Variants in NUDT3 observed in about 807,000 individuals in gnomAD.
NUDT3 encodes diphosphoinositol polyphosphate phosphohydrolase 1.
Under a neutral mutation model 23.6 loss-of-function variants are expected in NUDT3, and 9 were observed. The ratio of observed to expected loss-of-function variants is 0.38; its 90% CI spans 0.23 to 0.66. NUDT3 has a LOEUF of 0.66. NUDT3 is among the 30% of genes least tolerant of loss of function. NUDT3 has a pLI of 0.52. For synonymous variants in NUDT3, 86 were observed against 82.6 expected, an observed-to-expected ratio of 1.04 and a Z score of -0.22; for missense variants, 172 against 218.5, an observed-to-expected ratio of 0.79 and a Z score of 1.34.
intron 4 of NUDT3, among the ~76,000 whole-genome samples, chr6:34,292,892 T>C (rs1273042338): frequency 2.6e-5 from 4 of 152,220 alleles, no homozygotes; most frequent in Non-Finnish European, 4.4e-5. Flanking sequence ...AGTTTGATTT[T>C]AGAAGCAACA....
Position 34,324,080 on chromosome 6 carries a change from C to T in NUDT3, c.210+17782G>A, listed in dbSNP as rs182784959. Reference sequence around the variant, plus strand: ...TTAAAAGCCTTCAGAATGGGCTGGGCGTGGTGGTTCATGCCTGTAATCCCA... The same window carrying T: ...TTAAAAGCCTTCAGAATGGGCTGGGTGTGGTGGTTCATGCCTGTAATCCCA... On this transcript the variant is annotated intron_variant, in intron 2 of 4. Coordinates refer to ENST00000607016, the MANE Select transcript of NUDT3 (RefSeq NM_006703.4). 1.5e-3 allele frequency among the ~76,000 whole-genome samples: 226 copies of T among 152,114 alleles called. 2 individuals carry two copies. The highest frequency in any genetic ancestry group is 0.011 in the East Asian group (56 of 5,170).
Position 34,329,834 on chromosome 6 carries a change from G to GTA in NUDT3, c.210+12027_210+12028insTA, listed in dbSNP as rs531393352. The stretch of plus-strand genomic sequence containing the variant: ...CCCATGGCAGGCCCTGGTGTGTGAT[G>GTA]TTCCGCACCCTGTGTCCAAGTGTTC... On this transcript the variant is annotated intron_variant, in intron 2 of 4. Transcript: ENST00000607016. Among the ~76,000 whole-genome samples, 133 of 152,154 alleles carry GTA rather than the reference G, an allele frequency of 8.7e-4. No individual in the cohort carries two copies. In the East Asian group the frequency reaches 0.011, roughly 12 times the overall value.
chr6:34,310,822 A>C (rs1763759410), intron 2 of NUDT3, among the ~76,000 whole-genome samples: 1 of 152,212 alleles, frequency 6.6e-6, no homozygotes, highest in South Asian at 2.1e-4. Flanking sequence ...AGTGGGATTT[A>C]TCTCTCCCAA....
At chr6:34,316,782 G>A (rs998072800) in intron 2 of NUDT3, among the ~76,000 whole-genome samples, 10 of 152,316 alleles carry the variant, frequency 6.6e-5, no homozygotes, top group Non-Finnish European at 1.0e-4. Context: ...GTGAGAAAGA[G>A]AGGGGAGTGA....
chr6:34,317,121 G>C (rs2113714182), intron 2 of NUDT3, among the ~76,000 whole-genome samples: 1 of 152,292 alleles, frequency 6.6e-6, no homozygotes, highest in South Asian at 2.1e-4. Flanking sequence ...TCTAGGTTTT[G>C]GGTTAAGTAA....
At chr6:34,318,516 A>G (rs1581862408) in intron 2 of NUDT3, among the ~76,000 whole-genome samples, 2 of 152,310 alleles carry the variant, frequency 1.3e-5, no homozygotes, top group Non-Finnish European at 2.9e-5. Flanking sequence ...CCTTATCTTC[A>G]ACAAACATTT....
At position 34,354,050 on chromosome 6, in the gene NUDT3, T is replaced by C. The variant is rs182044836; in HGVS notation, c.100-12078A>G. Among the ~76,000 whole-genome samples the C allele has an allele frequency of 1.5e-3, 224 of 151,860 alleles. 3 individuals are homozygous for C. Among genetic ancestry groups the C allele is most frequent in the African/African-American group, 5.3e-3 (219 of 41,422 alleles). On this transcript the variant is annotated intron_variant, in intron 1 of 4. Transcript: ENST00000607016. ...CTCCTGCCTCAGTCCCCCAAGTAGCTGGGAATACAGGCACCCACCATCAAG... is the reference window on the plus strand; with the variant it reads ...CTCCTGCCTCAGTCCCCCAAGTAGCCGGGAATACAGGCACCCACCATCAAG...
intron 1 of NUDT3, among the ~76,000 whole-genome samples, chr6:34,370,579 C>T (rs61618829): frequency 0.093 from 14,181 of 152,182 alleles, 1,484 homozygotes; most frequent in African/African-American, 0.26. Context: ...GTCTGTCACA[C>T]ACTGGTTGAG....
At chr6:34,374,774 T>C (rs1764894370) in intron 1 of NUDT3, among the ~76,000 whole-genome samples, 1 of 152,196 alleles carries the variant, frequency 6.6e-6, no homozygotes, top group Admixed American at 6.6e-5. Context: ...CAGCACCAAC[T>C]ATGTTATCTG....
chr6:34,309,887 G>T (rs914400457), intron 2 of NUDT3, among the ~76,000 whole-genome samples: 2 of 152,040 alleles, frequency 1.3e-5, no homozygotes, highest in Admixed American at 1.3e-4. Flanking sequence ...CAAAACTCAC[G>T]TAAGAAAAAA....
intron 2 of NUDT3, among the ~76,000 whole-genome samples, chr6:34,328,354 A>G (rs913868504): frequency 6.6e-6 from 1 of 152,162 alleles, no homozygotes; most frequent in South Asian, 2.1e-4. Flanking sequence ...TTGGGACTTA[A>G]CTACCACTAG....
At chr6:34,289,442 C>T (rs1052273730) in intron 4 of NUDT3, among the ~76,000 whole-genome samples, 5 of 152,326 alleles carry the variant, frequency 3.3e-5, no homozygotes, top group Middle Eastern at 3.4e-3. Context: ...TAGCATGTGC[C>T]TGTACTCCCA....
At chr6:34,311,570 A>G (rs1480410753) in intron 2 of NUDT3, among the ~76,000 whole-genome samples, 2 of 152,208 alleles carry the variant, frequency 1.3e-5, no homozygotes, top group African/African-American at 2.4e-5. Context: ...GTGAATATTG[A>G]AAAAGTGATC....
chr6:34,307,714 G>A (rs1763703117), intron 2 of NUDT3, among the ~76,000 whole-genome samples: 1 of 152,140 alleles, frequency 6.6e-6, no homozygotes, highest in African/African-American at 2.4e-5. Flanking sequence ...AAAAGGCAGA[G>A]AAAGAATGGA....
Position 34,341,752 on chromosome 6 carries a change from T to C in NUDT3, c.210+110A>G, listed in dbSNP as rs187874388. 4.5e-5 allele frequency: 41 copies of C among 913,562 alleles called. No individual in the cohort carries two copies. In the Admixed American group the frequency reaches 6.9e-4, roughly 15 times the overall value. The allele number at this position is 913,562 out of a possible 1,614,324, so 56.6% of individuals were successfully genotyped here. ...ACCGGATAACCATTCATTGCCCTTT[T>C]TCTGTGACTGTATATTTATTCAGTG... On this transcript the variant is annotated intron_variant, in intron 2 of 4. Coordinates refer to ENST00000607016, the MANE Select transcript of NUDT3 (RefSeq NM_006703.4).
rs113860691 is a variant in NUDT3, at chr6:34,341,767, T to G, written c.210+95A>C. ...ATTGCCCTTTTTCTGTGACTGTATA[T>G]TTATTCAGTGAGTGCTGACATATTA... On this transcript the variant is annotated intron_variant, in intron 2 of 4. Transcript: ENST00000607016. 7 of 1,057,392 alleles carry G rather than the reference T, an allele frequency of 6.6e-6. No individual in the cohort carries two copies. In the African/African-American group the frequency reaches 9.5e-5, roughly 14 times the overall value. 65.5% of individuals were successfully genotyped at this position (1,057,392 alleles called of 1,614,324 possible).
intron 1 of NUDT3, among the ~76,000 whole-genome samples, chr6:34,352,689 G>A (rs1298486905): frequency 6.6e-6 from 1 of 152,156 alleles, no homozygotes; most frequent in Non-Finnish European, 1.5e-5. Flanking sequence ...GTGTTCCCAA[G>A]GTAGCATGAA....
At chr6:34,359,199 C>T (rs899413220) in intron 1 of NUDT3, among the ~76,000 whole-genome samples, 5 of 152,122 alleles carry the variant, frequency 3.3e-5, no homozygotes, top group Non-Finnish European at 7.4e-5. Context: ...CGGTGAAACC[C>T]AGTTTCTACT....
At chr6:34,322,509 A>G (rs4713771) in intron 2 of NUDT3, among the ~76,000 whole-genome samples, 17,952 of 152,202 alleles carry the variant, frequency 0.12, 1,587 homozygotes, top group Admixed American at 0.27. Context: ...GACTACAGGC[A>G]TGAGCCACTG....
Sources: gnomAD v4.1 joint callset for allele counts (sites outside exome capture counted in the v4.1 genomes callset) on GRCh38, gnomAD v4.1.1 for gene constraint, MANE v1.5 for transcripts, NCBI Gene and HGNC (gene_info 2026-07-23, HGNC 2026-07-21) for gene names.